Variants in SNTG1 observed in about 807,000 individuals in gnomAD.
SNTG1 encodes the protein syntrophin gamma 1.
Under a neutral mutation model 74.7 loss-of-function variants are expected in SNTG1, and 39 were observed. The observed-to-expected ratio is 0.52, with a 90% CI of 0.40 to 0.68. The LOEUF (loss-of-function observed/expected upper bound fraction) is 0.68, where lower values mean the gene tolerates loss of function less well. Among genes scored for constraint, SNTG1 ranks in the 30% least tolerant of loss-of-function variants. The probability of loss-of-function intolerance (pLI) is 0.00; values close to 1 mark genes in which losing one functional copy is unlikely to be tolerated. For synonymous variants in SNTG1, 254 were observed against 217.1 expected, an observed-to-expected ratio of 1.17 and a Z score of -1.49; for missense variants, 685 against 609.5, an observed-to-expected ratio of 1.12 and a Z score of -1.30.
chr8:50,706,437 T>C lies in SNTG1; in HGVS notation c.1191+1685T>C, dbSNP rs545991638. 3.9e-5 allele frequency among the ~76,000 whole-genome samples: 6 copies of C among 152,278 alleles called. No homozygotes were observed. The East Asian group carries it at 1.2e-3, about 29-fold the overall frequency. ...TAAAATTATTATTTCTCTACAATAG[T>C]CCACTTCGCTTGGAAACAGCTACAT... On this transcript the variant is annotated intron_variant, in intron 16 of 18. Transcript: ENST00000642720.
chr8:50,122,301 C>T (rs2081023022), intron 1 of SNTG1, among the ~76,000 whole-genome samples: 1 of 142,076 alleles, frequency 7.0e-6, no homozygotes, highest in African/African-American at 2.5e-5. Context: ...TCCCTTATTC[C>T]CAGCAGAAGA....
At chr8:50,742,101 T>G (rs1319820899) in intron 17 of SNTG1, among the ~76,000 whole-genome samples, 1 of 151,954 alleles carries the variant, frequency 6.6e-6, no homozygotes, top group Non-Finnish European at 1.5e-5. Context: ...TCTGTGAACA[T>G]GAAACTGCTC....
In SNTG1 at chr8:50,516,733, C is replaced by T. The variant is rs567796651; in HGVS notation, c.467-13444C>T. On this transcript the variant is annotated intron_variant, in intron 9 of 18. Transcript: ENST00000642720. Reference sequence around the variant, plus strand: ...AACTTAATGAAATAAAGTATAAAGACAAGATTAGAGAAAAAAGAATGAAAA... The same window carrying T: ...AACTTAATGAAATAAAGTATAAAGATAAGATTAGAGAAAAAAGAATGAAAA... Among the ~76,000 whole-genome samples the T allele has an allele frequency of 5.3e-5, 8 of 151,624 alleles. No homozygotes were observed. The East Asian group carries it at 1.6e-3, about 30-fold the overall frequency.
intron 2 of SNTG1, among the ~76,000 whole-genome samples, chr8:50,386,554 C>A (rs904762425): frequency 3.3e-5 from 5 of 151,920 alleles, no homozygotes; most frequent in Admixed American, 2.6e-4. Context: ...ATACCTCAAG[C>A]AGGCTAATTT....
chr8:50,704,757 G>C lies in SNTG1; in HGVS notation c.1191+5G>C, dbSNP rs1402864618. 2.5e-6 allele frequency: 4 copies of C among 1,613,852 alleles called. No homozygotes were observed. The highest frequency in any genetic ancestry group is 3.4e-6 in the Non-Finnish European group (4 of 1,179,958). ...CTAGAAGTAGAACGGATACAGGTGA[G>C]AGTCTGTGGGACTGCAGGATGTGTG... On this transcript the variant is annotated splice_donor_5th_base_variant and intron_variant, in intron 16 of 18. Coordinates refer to ENST00000642720, the MANE Select transcript of SNTG1 (RefSeq NM_018967.5).
intron 2 of SNTG1, among the ~76,000 whole-genome samples, chr8:50,325,616 A>C (rs1402270082): frequency 1.3e-5 from 2 of 152,036 alleles, no homozygotes; most frequent in Non-Finnish European, 2.9e-5. Context: ...TTATTTTGTC[A>C]ATTATAGTAT....
chr8:50,099,779 G>A (rs954661130), intron 1 of SNTG1, among the ~76,000 whole-genome samples: 1 of 152,036 alleles, frequency 6.6e-6, no homozygotes, highest in Non-Finnish European at 1.5e-5. Context: ...GTTATTTGTA[G>A]CTTTTTTGAG....
intron 1 of SNTG1, among the ~76,000 whole-genome samples, chr8:50,151,761 T>C (rs2082077501): frequency 6.6e-6 from 1 of 152,232 alleles, no homozygotes; most frequent in Non-Finnish European, 1.5e-5. Context: ...TTGATTGCAC[T>C]GTGGTCTGAG....
At chr8:49,930,802 C>T (rs1479014883) in intron 1 of SNTG1, among the ~76,000 whole-genome samples, 5 of 151,764 alleles carry the variant, frequency 3.3e-5, no homozygotes, top group Admixed American at 6.6e-5. Context: ...AGCGATGCTC[C>T]CAAAATTTAT....
At chr8:50,560,920 C>T (rs2094484203) in intron 12 of SNTG1, among the ~76,000 whole-genome samples, 1 of 152,102 alleles carries the variant, frequency 6.6e-6, no homozygotes, top group South Asian at 2.1e-4. Context: ...AATAAATTGA[C>T]ATAATTAGAA....
intron 2 of SNTG1, among the ~76,000 whole-genome samples, chr8:50,354,731 G>A (rs1343252159): frequency 6.6e-6 from 1 of 152,192 alleles, no homozygotes; most frequent in Non-Finnish European, 1.5e-5. Context: ...TCACACGGCT[G>A]CAGTCAAGAT....
At chr8:50,137,204 T>C (rs546985569) in intron 1 of SNTG1, among the ~76,000 whole-genome samples, 1 of 152,328 alleles carries the variant, frequency 6.6e-6, no homozygotes, top group African/African-American at 2.4e-5. Context: ...TTGGTGAGAT[T>C]TGAAAGTGAG....
intron 1 of SNTG1, among the ~76,000 whole-genome samples, chr8:50,087,922 C>A (rs958856046): frequency 1.2e-4 from 12 of 103,638 alleles, no homozygotes; most frequent in Non-Finnish European, 1.9e-4. Context: ...CCAATGTTAT[C>A]CCTCCCCCCT....
Position 50,398,918 on chromosome 8 carries a change from C to T in SNTG1, c.28-3292C>T, listed in dbSNP as rs547355220. On this transcript the variant is annotated intron_variant, in intron 3 of 18. Coordinates refer to ENST00000642720, the MANE Select transcript of SNTG1 (RefSeq NM_018967.5). ...GCACTCCAGCCTGGGGCAACAAGAG[C>T]GAAACTCTGTCTCAAGAAAAAAATA... is the stretch of plus-strand genomic sequence containing the variant. 1.4e-4 allele frequency among the ~76,000 whole-genome samples: 21 copies of T among 152,062 alleles called. No homozygotes were observed. In the South Asian group the frequency reaches 3.9e-3, roughly 29 times the overall value.
chr8:50,361,128 G>A (rs1196904199), intron 2 of SNTG1, among the ~76,000 whole-genome samples: 1 of 151,422 alleles, frequency 6.6e-6, no homozygotes, highest in Non-Finnish European at 1.5e-5. Flanking sequence ...TTTATTTTTT[G>A]AATTTTAACT....
rs1393609754 is a variant in SNTG1 at position 50,671,185 on chromosome 8, T to G, written c.1038+12522T>G. Among the ~76,000 whole-genome samples, 7 of 151,894 alleles carry G rather than the reference T, an allele frequency of 4.6e-5. No individual in the cohort carries two copies. In the South Asian group the frequency reaches 1.0e-3, roughly 23 times the overall value. On this transcript the variant is annotated intron_variant, in intron 15 of 18. Coordinates refer to ENST00000642720, the MANE Select transcript of SNTG1 (RefSeq NM_018967.5). ...AAGCAATGGCAACAAAAGCCAAAAT[T>G]GACAAATGGGATCTAATTAAACTAA...
At chr8:50,666,213 A>C (rs944116149) in intron 15 of SNTG1, among the ~76,000 whole-genome samples, 1 of 152,162 alleles carries the variant, frequency 6.6e-6, no homozygotes, top group Non-Finnish European at 1.5e-5. Context: ...CAAGTGAGAC[A>C]CATTTCATAT....
chr8:50,627,650 G>C (rs2094965650), intron 13 of SNTG1, among the ~76,000 whole-genome samples: 1 of 152,136 alleles, frequency 6.6e-6, no homozygotes, highest in Admixed American at 6.6e-5. Flanking sequence ...CCCACCTTCA[G>C]GTTTGATTAA....
chr8:50,627,478 C>T (rs559735115), intron 13 of SNTG1, among the ~76,000 whole-genome samples: 1 of 152,254 alleles, frequency 6.6e-6, no homozygotes, highest in African/African-American at 2.4e-5. Flanking sequence ...CCCAGCTTTC[C>T]AGAGCCTTGA....
Sources: gnomAD v4.1 joint callset for allele counts (sites outside exome capture counted in the v4.1 genomes callset) on GRCh38, gnomAD v4.1.1 for gene constraint, MANE v1.5 for transcripts, NCBI Gene and HGNC (gene_info 2026-07-23, HGNC 2026-07-21) for gene names.